Variants in LZIC observed in about 807,000 individuals in gnomAD.
LZIC encodes the protein protein LZIC.
LZIC carries 28 observed loss-of-function variants against 25.4 expected under a neutral mutation model. The ratio of observed to expected loss-of-function variants is 1.10; its 90% CI spans 0.82 to 1.51. The LOEUF (loss-of-function observed/expected upper bound fraction) is 1.51. Ranked by LOEUF, LZIC falls within the 40% of genes most tolerant of loss-of-function variation. The pLI is 0.00. For synonymous variants in LZIC, 65 were observed against 70.7 expected (o/e 0.92, Z 0.40); for missense variants, 170 against 211.1 (o/e 0.81, Z 1.21).
intron 7 of LZIC, 92 bp downstream of exon 7, chr1:9,931,799 T>G (rs1640222759): frequency 5.2e-6 from 4 of 767,904 alleles, no homozygotes; most frequent in Non-Finnish European, 8.4e-6. Flanking sequence ...AAGGAAAGGT[T>G]ATTATGTTAT....
intron 7 of LZIC, among the ~76,000 whole-genome samples, chr1:9,931,294 G>A (rs548000640): frequency 9.9e-5 from 15 of 151,334 alleles, no homozygotes; most frequent in Non-Finnish European, 1.3e-4. Flanking sequence ...GATGAGTCTC[G>A]CTCTGTCGCC....
rs1640148947 is a variant in LZIC, at chr1:9,930,195, G to C, written c.*204C>G. On this transcript the variant is annotated 3_prime_UTR_variant, in exon 8 of 8. Coordinates refer to ENST00000377223, the MANE Select transcript of LZIC (RefSeq NM_032368.5). ...GAGTCCCTCTGTCGCAACAAGTTCA[G>C]GATCACTCAAGCAGGTAACCGCACA... 1 of 1,391,110 alleles carries C rather than the reference G, an allele frequency of 7.2e-7. No individual in the cohort carries two copies. 86.2% of individuals were successfully genotyped at this position (1,391,110 alleles called of 1,614,324 possible). A position where few individuals can be genotyped will look rare whatever the true frequency, so the allele number is the denominator to read the frequency against.
At chr1:9,925,240 T>C (rs1372205933), downstream of LZIC, among the ~76,000 whole-genome samples, 1 of 151,752 alleles carries the variant, frequency 6.6e-6, no homozygotes, top group Non-Finnish European at 1.5e-5. Context: ...GCAGGAGAAT[T>C]GCTTGAACCC....
At position 9,929,627 on chromosome 1, in the gene LZIC, C is replaced by T; in HGVS notation, c.*772G>A. 1.0e-6 allele frequency: 1 copy of T among 985,380 alleles called. No homozygotes were observed. The highest frequency in any genetic ancestry group is 1.2e-6 in the Non-Finnish European group (1 of 829,920). 61.0% of individuals were successfully genotyped at this position (985,380 alleles called of 1,614,324 possible). On this transcript the variant is annotated 3_prime_UTR_variant, in exon 8 of 8. Transcript: ENST00000377223. ...GGCGGCTAAGTCACTTTAGGAAACG[C>T]TCAACAGGGCTCCCATTGTTCCAAC...
intron 2 of LZIC, among the ~76,000 whole-genome samples, chr1:9,938,820 C>T (rs1164934997): frequency 1.6e-4 from 25 of 152,174 alleles, no homozygotes; most frequent in Admixed American, 1.4e-3. Context: ...AAGATTTATA[C>T]ATCTTTATAT....
At position 9,927,484 on chromosome 1, in the gene LZIC, T is replaced by A. The variant is rs914714270; in HGVS notation, c.*2915A>T. Among the ~76,000 whole-genome samples the A allele has an allele frequency of 6.6e-6, 1 of 150,696 alleles. No individual in the cohort carries two copies. The highest frequency in any genetic ancestry group is 1.5e-5 in the Non-Finnish European group (1 of 67,576). On this transcript the variant is annotated 3_prime_UTR_variant, in exon 8 of 8. Coordinates refer to ENST00000377223, the MANE Select transcript of LZIC (RefSeq NM_032368.5). ...GCCTGGCTAATTTTTTTTTTTTTTT[T>A]AGAGACAGGGTTTCACCATGTTGGC...
Position 9,933,301 on chromosome 1 carries a change from T to TAC in LZIC, c.337-405_337-404dup, listed in dbSNP as rs1553121874. On this transcript the variant is annotated intron_variant, in intron 5 of 7. Coordinates refer to ENST00000377223, the MANE Select transcript of LZIC (RefSeq NM_032368.5). The stretch of plus-strand genomic sequence containing the variant: ...AAAAAAAAATATATATATATATATA[T>TAC]ACACATACATATAGCTTTTCAGACG... Among the ~76,000 whole-genome samples, 861 of 129,298 alleles carry TAC rather than the reference T, an allele frequency of 6.7e-3. 14 individuals are homozygous for TAC. Among genetic ancestry groups the TAC allele is most frequent in the African/African-American group, 0.018 (594 of 33,374 alleles). 84.8% of individuals were successfully genotyped at this position (129,298 alleles called of 152,430 possible). A position where few individuals can be genotyped will look rare whatever the true frequency, so the allele number is the denominator to read the frequency against.
chr1:9,924,821 C>T (rs12097182), downstream of LZIC, among the ~76,000 whole-genome samples: 11,918 of 152,086 alleles, frequency 0.078, 618 homozygotes, highest in South Asian at 0.13. Flanking sequence ...TGTAATATGA[C>T]AATTTAGTAG....
rs1347141447 is a variant in LZIC at position 9,926,355 on chromosome 1, T to A, written c.*4044A>T. Among the ~76,000 whole-genome samples the A allele has an allele frequency of 6.6e-6, 1 of 152,180 alleles. No homozygotes were observed. Among genetic ancestry groups the A allele is most frequent in the Non-Finnish European group, 1.5e-5 (1 of 68,032 alleles). ...ATTTTTTTCTATAGTAATTTCAGATTATCCATCATTCACTGTAATAAGATA... is the reference window on the plus strand; with the variant it reads ...ATTTTTTTCTATAGTAATTTCAGATAATCCATCATTCACTGTAATAAGATA... On this transcript the variant is annotated 3_prime_UTR_variant, in exon 8 of 8. Transcript: ENST00000377223.
Position 9,936,339 on chromosome 1 carries a change from T to C in LZIC, c.101+180A>G, listed in dbSNP as rs192388193. ...TGCACTTAGTAGTTAACTGAATGAC[T>C]TTCATTTCCCAGCCTTTATGACTCC... is the stretch of plus-strand genomic sequence containing the variant. On this transcript the variant is annotated intron_variant, in intron 3 of 7. Transcript: ENST00000377223. Among the ~76,000 whole-genome samples, 4 of 152,300 alleles carry C rather than the reference T, an allele frequency of 2.6e-5. No homozygotes were observed. In the East Asian group the frequency reaches 7.7e-4, roughly 29 times the overall value.
In LZIC at chr1:9,931,058, T is replaced by G. The variant is rs564588870; in HGVS notation, c.515-601A>C. 3.7e-3 allele frequency among the ~76,000 whole-genome samples: 560 copies of G among 150,912 alleles called. 2 individuals carry two copies. The highest frequency in any genetic ancestry group is 5.1e-3 in the Non-Finnish European group (345 of 67,720). ...AAAACATTTCTGTGAAAAAAAAAAA[T>G]AAAGAAAGAAGAAATATTTTTTGCG... is the stretch of plus-strand genomic sequence containing the variant. On this transcript the variant is annotated intron_variant, in intron 7 of 7. Coordinates refer to ENST00000377223, the MANE Select transcript of LZIC (RefSeq NM_032368.5).
At chr1:9,932,685 G>GGAA (rs1553121774) in intron 6 of LZIC, 118 bp downstream of exon 6, 23 of 282,918 alleles carry the variant, frequency 8.1e-5, no homozygotes, top group East Asian at 1.4e-4. Context: ...CTCCGTCTCA[G>GGAA]AAAAAAAAAA....
downstream of LZIC, among the ~76,000 whole-genome samples, chr1:9,923,518 C>CTTTT (rs60858066): frequency 7.8e-3 from 575 of 74,168 alleles, 36 homozygotes; most frequent in African/African-American, 0.024. Context: ...CCCAATGCTT[C>CTTTT]TTTTTTTTTT....
chr1:9,936,231 C>T (rs1640449983), intron 3 of LZIC, among the ~76,000 whole-genome samples: 2 of 151,820 alleles, frequency 1.3e-5, no homozygotes, highest in African/African-American at 4.8e-5. Context: ...AGCCTGACAG[C>T]AGGTAGGACT....
At position 9,927,069 on chromosome 1, in the gene LZIC, A is replaced by G. The variant is rs934794434; in HGVS notation, c.*3330T>C. Among the ~76,000 whole-genome samples the G allele has an allele frequency of 6.6e-6, 1 of 152,206 alleles. No homozygotes were observed. The highest frequency in any genetic ancestry group is 1.5e-5 in the Non-Finnish European group (1 of 68,042). On this transcript the variant is annotated 3_prime_UTR_variant, in exon 8 of 8. Transcript: ENST00000377223. The stretch of plus-strand genomic sequence containing the variant: ...AGGTAGGCCCTATTATCCTCATTGA[A>G]TAGAAGAGAAAAGGAGGCTCAAAAA...
downstream of LZIC, among the ~76,000 whole-genome samples, chr1:9,925,672 C>T (rs1639962553): frequency 6.6e-6 from 1 of 152,078 alleles, no homozygotes; most frequent in Non-Finnish European, 1.5e-5. Flanking sequence ...TCACTACAAC[C>T]TCTGCCTCCC....
At chr1:9,924,967 C>T (rs1323198191), downstream of LZIC, among the ~76,000 whole-genome samples, 1 of 152,026 alleles carries the variant, frequency 6.6e-6, no homozygotes, top group Non-Finnish European at 1.5e-5. Flanking sequence ...AATTCAGTTA[C>T]AGTCGCCAGA....
intron 2 of LZIC, among the ~76,000 whole-genome samples, chr1:9,940,803 G>T (rs1216734444): frequency 6.6e-6 from 1 of 152,170 alleles, no homozygotes; most frequent in Non-Finnish European, 1.5e-5. Context: ...ACATAAACAA[G>T]TATTATACCC....
intron 2 of LZIC, among the ~76,000 whole-genome samples, chr1:9,939,414 G>A (rs955529080): frequency 2.2e-5 from 3 of 133,382 alleles, no homozygotes; most frequent in Non-Finnish European, 4.6e-5. Context: ...CACCCAGGCT[G>A]GAGTGCAGTA....
Sources: allele counts gnomAD v4.1 joint callset (sites outside exome capture counted in the v4.1 genomes callset), GRCh38; gene constraint gnomAD v4.1.1; transcripts MANE v1.5; gene names NCBI Gene and HGNC (gene_info 2026-07-23, HGNC 2026-07-21).